CDH18: variants seen among roughly 807,000 people sequenced by gnomAD.
The protein encoded by CDH18 is cadherin 18.
CDH18 carries 31 observed loss-of-function variants against 67.9 expected under a neutral mutation model. The observed-to-expected ratio is 0.46, with a 90% CI of 0.34 to 0.62. The LOEUF (loss-of-function observed/expected upper bound fraction) is 0.62. Among genes scored for constraint, CDH18 ranks in the 20% least tolerant of loss-of-function variants. The pLI is 0.01. For synonymous variants in CDH18, 362 were observed against 347.2 expected (o/e 1.04, Z -0.48); for missense variants, 890 against 975.5 (o/e 0.91, Z 1.17).
chr5:19,612,643 TAAGC>T, intron 5 of CDH18, 42 bp from the exon 6 acceptor site: 1 of 1,411,766 alleles, frequency 7.1e-7, no homozygotes, highest in Non-Finnish European at 1.0e-6. Flanking sequence ...AGCTATATAA[TAAGC>T]AAGTATCAAC....
At chr5:19,855,388 A>G (rs903215268) in intron 2 of CDH18, among the ~76,000 whole-genome samples, 6 of 151,872 alleles carry the variant, frequency 4.0e-5, no homozygotes, top group African/African-American at 1.5e-4. Flanking sequence ...TTTCAAAAGA[A>G]TATATGATAA....
chr5:20,572,712 CT>C (rs1360799582), intron 1 of CDH18, among the ~76,000 whole-genome samples: 6 of 152,106 alleles, frequency 3.9e-5, no homozygotes, highest in African/African-American at 1.4e-4. Flanking sequence ...AAAGAGCCCC[CT>C]AATGGCTCAG....
chr5:19,591,898 G>A (rs1745200696), intron 6 of CDH18, among the ~76,000 whole-genome samples: 1 of 151,970 alleles, frequency 6.6e-6, no homozygotes, highest in South Asian at 2.1e-4. Flanking sequence ...TGAAGCATGA[G>A]AAAGTAAATA....
At chr5:19,489,274 GTC>G (rs1347026921) in intron 11 of CDH18, among the ~76,000 whole-genome samples, 6 of 137,608 alleles carry the variant, frequency 4.4e-5, no homozygotes, top group Non-Finnish European at 6.1e-5. Context: ...TTGAGACTGA[GTC>G]TCTCTCTGTC....
chr5:19,513,685 A>G (rs1745472070), intron 10 of CDH18, among the ~76,000 whole-genome samples: 1 of 152,058 alleles, frequency 6.6e-6, no homozygotes, highest in African/African-American at 2.4e-5. Context: ...TATTATATGC[A>G]TTTAAAATTA....
chr5:20,144,431 TCTACTC>T (rs1451301540), intron 2 of CDH18, among the ~76,000 whole-genome samples: 2 of 152,222 alleles, frequency 1.3e-5, no homozygotes, highest in Admixed American at 6.5e-5. Flanking sequence ...AAATGTCTAT[TCTACTC>T]CTATAGCAGC....
intron 2 of CDH18, among the ~76,000 whole-genome samples, chr5:20,072,518 G>T (rs1407418799): frequency 6.6e-6 from 1 of 151,952 alleles, no homozygotes; most frequent in Non-Finnish European, 1.5e-5. Flanking sequence ...AGAGGTCTGA[G>T]AAACGTTCAG....
At chr5:20,123,547 A>G (rs1382765584) in intron 2 of CDH18, among the ~76,000 whole-genome samples, 1 of 152,108 alleles carries the variant, frequency 6.6e-6, no homozygotes, top group Non-Finnish European at 1.5e-5. Context: ...GTTCCACGCA[A>G]GTTAGTGTGC....
rs1055343518 is a variant in CDH18, at chr5:20,513,341, A to G, written c.-580+62121T>C. Among the ~76,000 whole-genome samples the G allele has an allele frequency of 5.9e-5, 9 of 152,242 alleles. No individual in the cohort carries two copies. The South Asian group carries it at 1.5e-3, about 25-fold the overall frequency. On this transcript the variant is annotated intron_variant, in intron 1 of 14. Coordinates refer to the CDH18 transcript ENST00000507958. The stretch of plus-strand genomic sequence containing the variant: ...AGAACACATACATCTTCAGAGAGAC[A>G]ATCTCTTAATTGTCATTACAAGGAA...
chr5:19,832,595 C>T (rs1581554534), intron 3 of CDH18, among the ~76,000 whole-genome samples: 1 of 152,084 alleles, frequency 6.6e-6, no homozygotes, highest in East Asian at 1.9e-4. Context: ...GTCATGAAGT[C>T]TTAGCACACG....
intron 2 of CDH18, among the ~76,000 whole-genome samples, chr5:19,959,467 A>C (rs1796584166): frequency 6.6e-6 from 1 of 152,002 alleles, no homozygotes. Flanking sequence ...ATTTGTATTT[A>C]TTTTCCCACT....
At chr5:19,798,520 G>A (rs1248685416) in intron 3 of CDH18, among the ~76,000 whole-genome samples, 1 of 151,804 alleles carries the variant, frequency 6.6e-6, no homozygotes, top group Non-Finnish European at 1.5e-5. Flanking sequence ...GGGGTGTGTG[G>A]GGTATGAATG....
intron 3 of CDH18, among the ~76,000 whole-genome samples, chr5:19,772,845 T>A (rs1773877564): frequency 6.6e-6 from 1 of 152,212 alleles, no homozygotes; most frequent in Non-Finnish European, 1.5e-5. Flanking sequence ...ACAGGCATAA[T>A]GACTGATAAG....
rs1165869236 is a variant in CDH18 at position 19,586,312 on chromosome 5, G to T, written c.999+4745C>A. On this transcript the variant is annotated intron_variant, in intron 7 of 12. Transcript: ENST00000382275. The stretch of plus-strand genomic sequence containing the variant: ...CCGCACAGATTAACCCATCACCTAG[G>T]TATTAAGCCCAGCATCCCTTAGCTA... 5.3e-5 allele frequency among the ~76,000 whole-genome samples: 8 copies of T among 151,998 alleles called. No individual in the cohort carries two copies. The East Asian group carries it at 1.4e-3, about 26-fold the overall frequency.
At chr5:20,378,749 G>A (rs1425442262) in intron 1 of CDH18, among the ~76,000 whole-genome samples, 2 of 152,210 alleles carry the variant, frequency 1.3e-5, no homozygotes, top group East Asian at 3.9e-4. Context: ...ACAATCATGA[G>A]TAGTTAGATT....
intron 1 of CDH18, among the ~76,000 whole-genome samples, chr5:20,510,792 T>C (rs1754984763): frequency 6.6e-6 from 1 of 152,200 alleles, no homozygotes; most frequent in Admixed American, 6.5e-5. Context: ...GGAAATGACA[T>C]GTTGGATGGT....
intron 2 of CDH18, among the ~76,000 whole-genome samples, chr5:20,002,623 A>G (rs974454662): frequency 6.6e-6 from 1 of 152,212 alleles, no homozygotes; most frequent in Non-Finnish European, 1.5e-5. Flanking sequence ...ACATATTTCC[A>G]AATGTGACTA....
At chr5:19,741,268 T>A (rs1413311624) in intron 4 of CDH18, among the ~76,000 whole-genome samples, 1 of 146,134 alleles carries the variant, frequency 6.8e-6, no homozygotes, top group East Asian at 2.0e-4. Flanking sequence ...TATACATATA[T>A]ACATATATAC....
rs189676240 is a variant in CDH18 at position 20,310,406 on chromosome 5, A to G, written c.-579-54901T>C. ...ATCACTAGTTTGTAATCCACATTTT[A>G]TCTTTGCTTTAATTGGGGGAAATAT... On this transcript the variant is annotated intron_variant, in intron 1 of 14. Coordinates refer to the CDH18 transcript ENST00000507958. Among the ~76,000 whole-genome samples, 407 of 152,262 alleles carry G rather than the reference A, an allele frequency of 2.7e-3. 13 individuals are homozygous for G. The highest frequency in any genetic ancestry group is 0.026 in the Admixed American group (403 of 15,298).
Sources: gnomAD v4.1 joint callset for allele counts (sites outside exome capture counted in the v4.1 genomes callset) on GRCh38, gnomAD v4.1.1 for gene constraint, MANE v1.5 for transcripts, NCBI Gene and HGNC (gene_info 2026-07-23, HGNC 2026-07-21) for gene names.